The following RYR3 variants were observed in gnomAD, a reference collection of about 807,000 sequenced individuals.
RYR3 encodes brain ryanodine receptor-calcium release channel.
Under a neutral mutation model 584.3 loss-of-function variants are expected in RYR3, and 207 were observed. That is an observed-to-expected ratio of 0.35 (90% CI 0.32 to 0.40). The LOEUF (loss-of-function observed/expected upper bound fraction) is 0.40, where lower values mean the gene tolerates loss of function less well. Among genes scored for constraint, RYR3 ranks in the 10% least tolerant of loss-of-function variants. RYR3 has a pLI of 1.00. For missense variants in RYR3, 5,616 were observed against 6,089.2 expected, an observed-to-expected ratio of 0.92 and a Z score of 2.59; for synonymous variants, 2,416 against 2,248.5, an observed-to-expected ratio of 1.07 and a Z score of -2.11.
chr15:33,322,228 A>G (rs927979008), intron 1 of RYR3, among the ~76,000 whole-genome samples: 1 of 152,230 alleles, frequency 6.6e-6, no homozygotes, highest in Non-Finnish European at 1.5e-5. Flanking sequence ...TAATTGGCAC[A>G]TGGCTCTGCG....
chr15:33,568,751 A>G (rs2057856715), intron 12 of RYR3, among the ~76,000 whole-genome samples: 2 of 152,126 alleles, frequency 1.3e-5, no homozygotes, highest in African/African-American at 4.8e-5. Flanking sequence ...GTTTTAATAT[A>G]TTTATTTGCA....
In RYR3 at chr15:33,652,889, G is replaced by A. The variant is rs1487912253; in HGVS notation, c.4308+6G>A. On this transcript the variant is annotated splice_donor_region_variant and intron_variant, in intron 32 of 103. Coordinates refer to ENST00000634891, the MANE Select transcript of RYR3 (RefSeq NM_001036.6). ...AACTGGGCACCTGCTACCAGGTAAG[G>A]GCGGCTTCTGGGGCCGAAACAGGGC... 6.2e-7 allele frequency: 1 copy of A among 1,602,744 alleles called. No homozygotes were observed. The highest frequency in any genetic ancestry group is 2.2e-5 in the East Asian group (1 of 44,648).
At chr15:33,620,131 T>C (rs562270303) in intron 19 of RYR3, among the ~76,000 whole-genome samples, 25 of 152,280 alleles carry the variant, frequency 1.6e-4, no homozygotes, top group African/African-American at 5.8e-4. Context: ...GGCTCATTCA[T>C]GGAGCCCTTA....
intron 21 of RYR3, among the ~76,000 whole-genome samples, chr15:33,629,125 T>C (rs1269587221): frequency 6.6e-6 from 1 of 152,256 alleles, no homozygotes; most frequent in East Asian, 1.9e-4. Flanking sequence ...CCCACACTTG[T>C]GTATTTATAT....
At chr15:33,517,616 G>A (rs1273995397) in intron 3 of RYR3, among the ~76,000 whole-genome samples, 1 of 152,178 alleles carries the variant, frequency 6.6e-6, no homozygotes, top group East Asian at 1.9e-4. Flanking sequence ...GCAGCATCAT[G>A]GCTGATATCT....
At chr15:33,406,797 C>T (rs1317804580) in intron 1 of RYR3, among the ~76,000 whole-genome samples, 1 of 152,190 alleles carries the variant, frequency 6.6e-6, no homozygotes, top group African/African-American at 2.4e-5. Flanking sequence ...ATTCTAAATA[C>T]ATGCCAGATC....
chr15:33,597,078 C>T (rs1442639291), intron 16 of RYR3, among the ~76,000 whole-genome samples: 1 of 152,182 alleles, frequency 6.6e-6, no homozygotes, highest in Non-Finnish European at 1.5e-5. Context: ...CAAGATACAA[C>T]TATTATCATT....
chr15:33,766,926 C>T (rs2073126997), intron 60 of RYR3, among the ~76,000 whole-genome samples: 1 of 152,194 alleles, frequency 6.6e-6, no homozygotes, highest in African/African-American at 2.4e-5. Flanking sequence ...CAGTTAAATC[C>T]CAGGTTCCAT....
rs1488092331 is a variant in RYR3, at chr15:33,848,540, T to TTTC, written c.13628+121_13628+123dup. The stretch of plus-strand genomic sequence containing the variant: ...AAACTGTCTTTTGATTTCTAGGACT[T>TTTC]TTCTCCCTTGCCTCTTCAATAAAGC... On this transcript the variant is annotated intron_variant, in intron 94 of 103. Transcript: ENST00000634891. 12 of 1,169,806 alleles carry TTTC rather than the reference T, an allele frequency of 1.0e-5. No individual in the cohort carries two copies. In the African/African-American group the frequency reaches 1.4e-4, roughly 13 times the overall value. The allele number at this position is 1,169,806 out of a possible 1,614,324, so 72.5% of individuals were successfully genotyped here.
chr15:33,576,944 A>G (rs1276638751), intron 12 of RYR3, among the ~76,000 whole-genome samples: 2 of 152,234 alleles, frequency 1.3e-5, no homozygotes, highest in East Asian at 1.9e-4. Flanking sequence ...TCAATGTGCA[A>G]AAATCACAAG....
At chr15:33,758,287 G>T (rs1456507292) in intron 60 of RYR3, among the ~76,000 whole-genome samples, 1 of 152,126 alleles carries the variant, frequency 6.6e-6, no homozygotes, top group Non-Finnish European at 1.5e-5. Flanking sequence ...ATACCAGCGA[G>T]ACAGAACTGT....
chr15:33,644,152 G>T (rs576230012), intron 27 of RYR3, among the ~76,000 whole-genome samples, 159 bp from the exon 28 acceptor site: 6 of 152,234 alleles, frequency 3.9e-5, no homozygotes, highest in African/African-American at 7.2e-5. Flanking sequence ...GCCTCCTGTT[G>T]TTGATTTTAT....
chr15:33,754,468 C>T (rs1482726418), intron 57 of RYR3, among the ~76,000 whole-genome samples: 1 of 152,198 alleles, frequency 6.6e-6, no homozygotes, highest in East Asian at 1.9e-4. Context: ...TGCACTGTCT[C>T]TTCGCCCCAC....
In RYR3 at chr15:33,829,485, G is replaced by A. The variant is rs529645491; in HGVS notation, c.11335-1478G>A. ...CATTGTGGGCCAGGCCCAGTGGCTCGCATCTGTAATCCTAGGACTTTGGGA... is the reference window on the plus strand; with the variant it reads ...CATTGTGGGCCAGGCCCAGTGGCTCACATCTGTAATCCTAGGACTTTGGGA... On this transcript the variant is annotated intron_variant, in intron 85 of 103. Coordinates refer to ENST00000634891, the MANE Select transcript of RYR3 (RefSeq NM_001036.6). Among the ~76,000 whole-genome samples the A allele has an allele frequency of 1.6e-4, 24 of 152,154 alleles. 1 individual carries two copies. Among genetic ancestry groups the A allele is most frequent in the Admixed American group, 7.2e-4 (11 of 15,278 alleles).
chr15:33,556,624 T>C (rs1309155241), intron 10 of RYR3, among the ~76,000 whole-genome samples: 1 of 152,244 alleles, frequency 6.6e-6, no homozygotes, highest in Non-Finnish European at 1.5e-5. Context: ...ACACGAAGTC[T>C]GTTAACAATA....
intron 16 of RYR3, among the ~76,000 whole-genome samples, chr15:33,599,487 A>G (rs2059557483): frequency 6.6e-6 from 1 of 152,212 alleles, no homozygotes; most frequent in Admixed American, 6.5e-5. Flanking sequence ...ACTTGAAGCC[A>G]AAACAGGAAG....
chr15:33,734,492 G>C (rs1245345801), intron 48 of RYR3, among the ~76,000 whole-genome samples: 3 of 152,076 alleles, frequency 2.0e-5, no homozygotes, highest in Non-Finnish European at 4.4e-5. Context: ...GGTTGGTAAT[G>C]CATCAATAAC....
intron 8 of RYR3, among the ~76,000 whole-genome samples, chr15:33,545,654 C>G (rs2141196749): frequency 6.6e-6 from 1 of 152,238 alleles, no homozygotes; most frequent in East Asian, 1.9e-4. Context: ...TATTTGATGT[C>G]TAGGTGAAGT....
At chr15:33,340,213 C>A (rs1246731070) in intron 1 of RYR3, among the ~76,000 whole-genome samples, 2 of 152,200 alleles carry the variant, frequency 1.3e-5, no homozygotes, top group Non-Finnish European at 2.9e-5. Context: ...CATGACACAA[C>A]CATTGCACAC....
Sources: allele counts gnomAD v4.1 joint callset (sites outside exome capture counted in the v4.1 genomes callset), GRCh38; gene constraint gnomAD v4.1.1; transcripts MANE v1.5; gene names NCBI Gene and HGNC (gene_info 2026-07-23, HGNC 2026-07-21).